The following ENPP6 variants were observed in gnomAD, a reference collection of about 807,000 sequenced individuals.
ENPP6 encodes the protein glycerophosphocholine cholinephosphodiesterase ENPP6.
ENPP6 carries 32 observed loss-of-function variants against 42.0 expected under a neutral mutation model. The ratio of observed to expected loss-of-function variants is 0.76; its 90% CI spans 0.58 to 1.02. ENPP6 has a LOEUF of 1.02. ENPP6 is among the 50% of genes least tolerant of loss of function. The pLI, the probability that ENPP6 is intolerant of heterozygous loss-of-function variation, is 0.00. For synonymous variants in ENPP6, 213 were observed against 216.0 expected (o/e 0.99, Z 0.12); for missense variants, 552 against 566.8 (o/e 0.97, Z 0.27).
At chr4:184,105,522 T>A (rs1736072664) in intron 6 of ENPP6, among the ~76,000 whole-genome samples, 1 of 152,176 alleles carries the variant, frequency 6.6e-6, no homozygotes, top group Non-Finnish European at 1.5e-5. Flanking sequence ...CTGGGTTAGT[T>A]GCTCAGAGAT....
Position 184,184,038 on chromosome 4 carries a change from G to A in ENPP6, c.242-30305C>T, listed in dbSNP as rs142937490. Among the ~76,000 whole-genome samples, 87 of 152,320 alleles carry A rather than the reference G, an allele frequency of 5.7e-4. No individual in the cohort carries two copies. Among genetic ancestry groups the A allele is most frequent in the Admixed American group, 1.1e-3 (17 of 15,304 alleles). On this transcript the variant is annotated intron_variant, in intron 1 of 7. Coordinates refer to ENST00000296741, the MANE Select transcript of ENPP6 (RefSeq NM_153343.4). The surrounding 1 kb of genome is among the most constrained non-coding windows in gnomAD (Gnocchi z 4.7). ...CATGGTGCAGCCTTCATCCGTCAGC[G>A]TCTGTGAATGACTACATGGAGCGAG...
intron 1 of ENPP6, among the ~76,000 whole-genome samples, chr4:184,161,143 C>T (rs1786075731): frequency 6.6e-6 from 1 of 152,074 alleles, no homozygotes; most frequent in Admixed American, 6.6e-5. Flanking sequence ...TCAATCTATA[C>T]ATCCAACAAA....
rs147688500 is a variant in ENPP6, at chr4:184,187,420, G to A, written c.241+30159C>T. On this transcript the variant is annotated intron_variant, in intron 1 of 7. Coordinates refer to ENST00000296741, the MANE Select transcript of ENPP6 (RefSeq NM_153343.4). ...GAAGGCCACCACACCACTGCACACC[G>A]CTCAGACCTCACTGCCACTCTCATT... 3.3e-5 allele frequency among the ~76,000 whole-genome samples: 5 copies of A among 152,288 alleles called. No individual in the cohort carries two copies. The East Asian group carries it at 5.8e-4, about 18-fold the overall frequency.
At chr4:184,093,594 G>T (rs1309976417) in intron 7 of ENPP6, among the ~76,000 whole-genome samples, 1 of 150,680 alleles carries the variant, frequency 6.6e-6, no homozygotes. Flanking sequence ...AACCAAGATC[G>T]TGCCATTGCA....
At chr4:184,215,653 T>C (rs978834388) in intron 1 of ENPP6, among the ~76,000 whole-genome samples, 3 of 152,180 alleles carry the variant, frequency 2.0e-5, no homozygotes, top group African/African-American at 7.2e-5. Flanking sequence ...GTAGCTTCTA[T>C]GAAACATATA....
At chr4:184,096,991 A>G (rs1735921933) in intron 7 of ENPP6, among the ~76,000 whole-genome samples, 1 of 152,238 alleles carries the variant, frequency 6.6e-6, no homozygotes, top group Admixed American at 6.5e-5. Flanking sequence ...AACATGTGGA[A>G]TACATTTTCT....
rs1411979073 is a variant in ENPP6 at position 184,182,470 on chromosome 4, G to T, written c.242-28737C>A. The stretch of plus-strand genomic sequence containing the variant: ...AGTGTGGCGATTCTCCAAAGACCTA[G>T]AATCAGAAATACCATTTGACCCAGG... On this transcript the variant is annotated intron_variant, in intron 1 of 7. Coordinates refer to ENST00000296741, the MANE Select transcript of ENPP6 (RefSeq NM_153343.4). Among the ~76,000 whole-genome samples the T allele has an allele frequency of 2.0e-5, 3 of 152,126 alleles. No individual in the cohort carries two copies. In the East Asian group the frequency reaches 5.8e-4, roughly 29 times the overall value.
intron 2 of ENPP6, among the ~76,000 whole-genome samples, chr4:184,151,100 G>C (rs1239300169): frequency 2.6e-5 from 4 of 152,212 alleles, no homozygotes; most frequent in Non-Finnish European, 1.5e-5. Context: ...CACTTTGGGA[G>C]GCCAAGGTGG....
At chr4:184,094,393 C>A (rs1735861058) in intron 7 of ENPP6, among the ~76,000 whole-genome samples, 1 of 152,200 alleles carries the variant, frequency 6.6e-6, no homozygotes, top group Non-Finnish European at 1.5e-5. Context: ...AATATGAAAT[C>A]GAATTCTGTG....
At chr4:184,215,979 C>G (rs533883131) in intron 1 of ENPP6, among the ~76,000 whole-genome samples, 2 of 152,340 alleles carry the variant, frequency 1.3e-5, no homozygotes, top group East Asian at 3.9e-4. Context: ...GGCTTAGTGT[C>G]TCTGTGGAGT....
intron 2 of ENPP6, among the ~76,000 whole-genome samples, chr4:184,148,443 C>A (rs1462469853): frequency 6.6e-6 from 1 of 152,228 alleles, no homozygotes. Context: ...AACTTTTGAA[C>A]ACTGCAGGAA....
chr4:184,106,613 GC>G (rs563958851), intron 6 of ENPP6, among the ~76,000 whole-genome samples: 3 of 151,910 alleles, frequency 2.0e-5, no homozygotes, highest in Non-Finnish European at 2.9e-5. Context: ...CTCAGAGAGG[GC>G]CCCCCCAGCC....
Position 184,089,533 on chromosome 4 carries a change from T to C in ENPP6, c.*1644A>G, listed in dbSNP as rs1735748805. ...CTCTGTTGCCCAGGCTGGAGTGCAG[T>C]GGTGTGATCAAAGCTCACTGCAGCC... On this transcript the variant is annotated 3_prime_UTR_variant, in exon 8 of 8. Transcript: ENST00000296741. 1 of 152,592 alleles carries C rather than the reference T, an allele frequency of 6.6e-6. No individual in the cohort carries two copies. Among genetic ancestry groups the C allele is most frequent in the Admixed American group, 6.6e-5 (1 of 15,262 alleles). The allele number at this position is 152,592 out of a possible 1,614,324, so 9.5% of individuals were successfully genotyped here.
chr4:184,194,018 G>A (rs1732749217), intron 1 of ENPP6, among the ~76,000 whole-genome samples: 1 of 152,148 alleles, frequency 6.6e-6, no homozygotes, highest in Non-Finnish European at 1.5e-5. Flanking sequence ...CACGGTCCCT[G>A]ATAGCTCTTT....
intron 2 of ENPP6, among the ~76,000 whole-genome samples, chr4:184,137,390 C>T (rs546490741): frequency 6.6e-6 from 1 of 152,370 alleles, no homozygotes; most frequent in South Asian, 2.1e-4. Flanking sequence ...AGCCACTGTG[C>T]CCGGCCTATA....
Position 184,127,616 on chromosome 4 carries a change from G to T in ENPP6, c.422-3344C>A, listed in dbSNP as rs114048905. On this transcript the variant is annotated intron_variant, in intron 2 of 7. Coordinates refer to ENST00000296741, the MANE Select transcript of ENPP6 (RefSeq NM_153343.4). ...CTACCAAAAATATAAAACTAGCCAG[G>T]CGTAGTGCTGTGTGCCTGTATTCCC... is the stretch of plus-strand genomic sequence containing the variant. Among the ~76,000 whole-genome samples the T allele has an allele frequency of 2.4e-3, 365 of 152,288 alleles. 2 individuals carry two copies. The highest frequency in any genetic ancestry group is 8.4e-3 in the African/African-American group (347 of 41,548).
intron 1 of ENPP6, among the ~76,000 whole-genome samples, chr4:184,190,095 A>G (rs957200708): frequency 3.9e-5 from 6 of 152,200 alleles, no homozygotes; most frequent in African/African-American, 1.4e-4. Flanking sequence ...AACCTACCAC[A>G]CACCATGTCG....
chr4:184,103,738 G>A (rs763112487), intron 6 of ENPP6, among the ~76,000 whole-genome samples: 33 of 152,214 alleles, frequency 2.2e-4, no homozygotes, highest in Non-Finnish European at 3.8e-4. Context: ...GGGAGTGGTG[G>A]TTATGAGCCT....
Position 184,184,995 on chromosome 4 carries a change from G to C in ENPP6, c.242-31262C>G, listed in dbSNP as rs1732607901. Among the ~76,000 whole-genome samples the C allele has an allele frequency of 6.6e-6, 1 of 152,212 alleles. No individual in the cohort carries two copies. The highest frequency in any genetic ancestry group is 1.9e-4 in the East Asian group (1 of 5,196). On this transcript the variant is annotated intron_variant, in intron 1 of 7. Transcript: ENST00000296741. The surrounding 1 kb of genome is among the most constrained non-coding windows in gnomAD (Gnocchi z 4.7). ...GTCACATCTAATGAGACAGCTGGGA[G>C]GAAGACTGGAGACAACAGAGGTAGG...
Sources: gnomAD v4.1 joint callset for allele counts (sites outside exome capture counted in the v4.1 genomes callset) on GRCh38, gnomAD v4.1.1 for gene constraint, Gnocchi (gnomAD v3.1) non-coding constraint, MANE v1.5 for transcripts, NCBI Gene and HGNC (gene_info 2026-07-23, HGNC 2026-07-21) for gene names.